DNAH9: variants seen among roughly 807,000 people sequenced by gnomAD.
DNAH9 encodes the protein dynein axonemal heavy chain 9.
A neutral mutation model predicts 471.6 loss-of-function variants in DNAH9; 345 were observed. The ratio of observed to expected loss-of-function variants is 0.73; its 90% CI spans 0.67 to 0.80. DNAH9 has a LOEUF of 0.80. Ranked by LOEUF, DNAH9 falls within the 30% of genes least tolerant of loss-of-function variation. The pLI is 0.00. For synonymous variants in DNAH9, 2,093 were observed against 2,123.6 expected (o/e 0.99, Z 0.40); for missense variants, 5,407 against 5,609.2 (o/e 0.96, Z 1.15).
In DNAH9 at chr17:11,640,298, C is replaced by T. The variant is rs560945099; in HGVS notation, c.1815C>T (p.Pro605=). The part of the protein sequence containing the change: ...LGFSPVHKNM[P]TVAGGLRWAQ... ...TCTCCCCGGTGCACAAGAACATGCC[C>T]ACCGTGGCTGGCGGCCTCCGCTGGG... The change falls in exon 10 of 69, where the codon CCC becomes CCT. Residue 605 remains proline (P), a synonymous_variant. Transcript: ENST00000262442. The T allele has an allele frequency of 2.5e-6, 4 of 1,613,918 alleles. No homozygotes were observed. Among genetic ancestry groups the T allele is most frequent in the South Asian group, 2.2e-5 (2 of 91,062 alleles).
intron 50 of DNAH9, among the ~76,000 whole-genome samples, chr17:11,858,944 C>T (rs573322808): frequency 7.6e-4 from 116 of 151,984 alleles, no homozygotes; most frequent in Non-Finnish European, 1.0e-3. Context: ...ATTAACCCGG[C>T]GTGGTGGTAC....
chr17:11,640,346 C>A lies in DNAH9; in HGVS notation c.1863C>A (p.Ile621=). 1 of 1,613,980 alleles carries A rather than the reference C, an allele frequency of 6.2e-7. No individual in the cohort carries two copies. The highest frequency in any genetic ancestry group is 2.2e-5 in the East Asian group (1 of 44,862). Residue 621 remains isoleucine (I), a synonymous_variant, in exon 10 of 69, where the codon ATC becomes ATA. Coordinates refer to ENST00000262442, the MANE Select transcript of DNAH9 (RefSeq NM_001372.4). ...LRWAQELRQR[I]QGPFSNFGRI... ...GGGCACAGGAGCTGAGGCAGCGCAT[C>A]CAGGGTCCTTTCAGCAACTTTGGAC...
At chr17:11,766,910 C>T (rs550226559) in intron 36 of DNAH9, among the ~76,000 whole-genome samples, 83 of 151,328 alleles carry the variant, frequency 5.5e-4, no homozygotes, top group South Asian at 2.5e-3. Context: ...CAGAGGTTGC[C>T]GTGAGCTGAG....
intron 28 of DNAH9, among the ~76,000 whole-genome samples, chr17:11,737,734 C>T (rs2075369319): frequency 6.6e-6 from 1 of 152,160 alleles, no homozygotes; most frequent in Non-Finnish European, 1.5e-5. Context: ...TGACTCCAGT[C>T]TACATTTAAG....
At chr17:11,702,715 A>G (rs561043819) in intron 24 of DNAH9, among the ~76,000 whole-genome samples, 2 of 152,338 alleles carry the variant, frequency 1.3e-5, no homozygotes, top group East Asian at 1.9e-4. Context: ...AAGAAGGTTC[A>G]TGGATAAACT....
intron 61 of DNAH9, among the ~76,000 whole-genome samples, chr17:11,915,832 C>A (rs1312832234): frequency 6.6e-6 from 1 of 152,206 alleles, no homozygotes; most frequent in Non-Finnish European, 1.5e-5. Context: ...GTATTTGCTT[C>A]AGAGCATTTA....
At chr17:11,940,973 T>C (rs1974885433) in intron 66 of DNAH9, among the ~76,000 whole-genome samples, 1 of 152,122 alleles carries the variant, frequency 6.6e-6, no homozygotes, top group African/African-American at 2.4e-5. Context: ...GGAGTCAGCC[T>C]AAGAAGAGAT....
rs1555619080 is a variant in DNAH9 at position 11,906,643 on chromosome 17, A to AAG, written c.11749+835_11749+836insGA. Reference sequence around the variant, plus strand: ...ACTCTGTCTCAAAAAAAAAAAAAAAAAAAGAAAATGTGATACATATATACC... The same window carrying AAG: ...ACTCTGTCTCAAAAAAAAAAAAAAAAAGAAAGAAAATGTGATACATATATACC... On this transcript the variant is annotated intron_variant, in intron 61 of 68. Coordinates refer to ENST00000262442, the MANE Select transcript of DNAH9 (RefSeq NM_001372.4). Among the ~76,000 whole-genome samples the AAG allele has an allele frequency of 1.3e-4, 19 of 148,470 alleles. 1 individual carries two copies. The highest frequency in any genetic ancestry group is 2.1e-4 in the South Asian group (1 of 4,730).
intron 22 of DNAH9, 77 bp downstream of exon 22, chr17:11,694,524 A>G: frequency 2.0e-6 from 3 of 1,515,456 alleles, no homozygotes; most frequent in Middle Eastern, 1.8e-4. Context: ...CTGGCTCCCC[A>G]TCATGCCTCT....
chr17:11,851,586 G>C (rs1484254877), intron 49 of DNAH9, among the ~76,000 whole-genome samples: 3 of 152,164 alleles, frequency 2.0e-5, no homozygotes, highest in African/African-American at 7.2e-5. Flanking sequence ...CACAGTCAGA[G>C]AGTTAGACCG....
chr17:11,887,499 T>C (rs1972914803), intron 57 of DNAH9, among the ~76,000 whole-genome samples: 1 of 152,186 alleles, frequency 6.6e-6, no homozygotes, highest in African/African-American at 2.4e-5. Flanking sequence ...ACTAAACTTA[T>C]CTTACTCATG....
At position 11,735,545 on chromosome 17, in the gene DNAH9, C is replaced by T. The variant is rs572169476; in HGVS notation, c.5815-3335C>T. ...CTGCCTCCCAGGTTCAAGCGATTCT[C>T]CTGCCTCCGCCTCCCAAGTAGCTGA... On this transcript the variant is annotated intron_variant, in intron 28 of 68. Transcript: ENST00000262442. 5.3e-5 allele frequency among the ~76,000 whole-genome samples: 8 copies of T among 152,218 alleles called. No homozygotes were observed. The South Asian group carries it at 1.2e-3, about 24-fold the overall frequency.
chr17:11,733,439 T>A (rs1370128402), intron 28 of DNAH9, among the ~76,000 whole-genome samples: 2 of 152,182 alleles, frequency 1.3e-5, no homozygotes, highest in Non-Finnish European at 2.9e-5. Context: ...CTTCCAGTCA[T>A]GAGGGGAAAG....
At chr17:11,695,981 A>G (rs1198685316) in intron 22 of DNAH9, among the ~76,000 whole-genome samples, 1 of 152,216 alleles carries the variant, frequency 6.6e-6, no homozygotes, top group Non-Finnish European at 1.5e-5. Context: ...TTGAATATGT[A>G]TGACACTGAT....
intron 11 of DNAH9, among the ~76,000 whole-genome samples, chr17:11,645,873 CTTTTTCTTTT>C (rs775509404): frequency 3.0e-4 from 42 of 138,742 alleles, no homozygotes; most frequent in South Asian, 4.4e-4. Flanking sequence ...TTCTCTTTTT[CTTTTTCTTTT>C]TTTTTTTTTT....
intron 6 of DNAH9, among the ~76,000 whole-genome samples, chr17:11,628,289 G>A (rs1015875607): frequency 2.6e-5 from 4 of 152,180 alleles, no homozygotes; most frequent in South Asian, 2.1e-4. Flanking sequence ...GGCAGCTTCC[G>A]TGGACTCAGG....
chr17:11,608,792 C>T (rs1380734775), intron 2 of DNAH9, among the ~76,000 whole-genome samples: 2 of 152,132 alleles, frequency 1.3e-5, no homozygotes, highest in African/African-American at 4.8e-5. Flanking sequence ...TTTACAGGTC[C>T]TGGGGATTTT....
chr17:11,657,402 A>T (rs2150710707), intron 14 of DNAH9, among the ~76,000 whole-genome samples: 1 of 152,186 alleles, frequency 6.6e-6, no homozygotes, highest in East Asian at 1.9e-4. Flanking sequence ...TTCTCATTTT[A>T]AATTGGATGG....
At position 11,961,858 on chromosome 17, in the gene DNAH9, T is replaced by C. The variant is rs867382946; in HGVS notation, c.12844-9T>C. On this transcript the variant is annotated splice_polypyrimidine_tract_variant and intron_variant, in intron 67 of 68. Transcript: ENST00000262442. ...CTCACGCTTTCCCCCTCCCATTCTT[T>C]ATCTTCAGGGGGAGCTGACTATGAC... is the stretch of plus-strand genomic sequence containing the variant. 16 of 1,586,858 alleles carry C rather than the reference T, an allele frequency of 1.0e-5. No homozygotes were observed. In the Middle Eastern group the frequency reaches 1.0e-3, roughly 101 times the overall value.
Sources: allele counts gnomAD v4.1 joint callset (sites outside exome capture counted in the v4.1 genomes callset), GRCh38; gene constraint gnomAD v4.1.1; transcripts MANE v1.5; gene names NCBI Gene and HGNC (gene_info 2026-07-23, HGNC 2026-07-21).